The following CCDC192 variants were observed in gnomAD, a reference collection of about 807,000 sequenced individuals.
CCDC192 encodes coiled-coil domain containing 192, also known as coiled-coil domain-containing protein 192.
At position 127,875,989 on chromosome 5, in the gene CCDC192, G is replaced by T. The variant is rs577006600; in HGVS notation, c.535+328G>T. On this transcript the variant is annotated intron_variant, in intron 6 of 6. Transcript: ENST00000514853. ...AAGAAGGAAGGCAGGTGCCTGCAGG[G>T]ACTGAGCTCTGGAGTGAGACAGAGC... Among the ~76,000 whole-genome samples, 9 of 152,070 alleles carry T rather than the reference G, an allele frequency of 5.9e-5. No homozygotes were observed. The South Asian group carries it at 1.9e-3, about 32-fold the overall frequency.
intron 5 of CCDC192, among the ~76,000 whole-genome samples, chr5:127,814,031 G>A (rs1191746072): frequency 6.6e-6 from 1 of 152,180 alleles, no homozygotes; most frequent in Non-Finnish European, 1.5e-5. Flanking sequence ...CTTAGTGGGT[G>A]CAGGGAGCCT....
At chr5:127,873,738 A>G (rs1751953948) in intron 5 of CCDC192, among the ~76,000 whole-genome samples, 1 of 152,218 alleles carries the variant, frequency 6.6e-6, no homozygotes, top group Non-Finnish European at 1.5e-5. Flanking sequence ...AGCATGGAAC[A>G]GTATTGAAGT....
intron 5 of CCDC192, among the ~76,000 whole-genome samples, chr5:127,819,008 A>G (rs1168277324): frequency 1.3e-5 from 2 of 152,182 alleles, no homozygotes; most frequent in African/African-American, 2.4e-5. Flanking sequence ...TAGAAAAAGA[A>G]AACCTAGCAG....
At chr5:127,756,306 G>A (rs965180963) in intron 3 of CCDC192, among the ~76,000 whole-genome samples, 4 of 152,142 alleles carry the variant, frequency 2.6e-5, no homozygotes, top group Non-Finnish European at 5.9e-5. Context: ...CCGCAGAGCC[G>A]GCTGTGCAGG....
At chr5:127,839,848 G>A (rs1379317622) in intron 5 of CCDC192, among the ~76,000 whole-genome samples, 1 of 151,608 alleles carries the variant, frequency 6.6e-6, no homozygotes, top group Non-Finnish European at 1.5e-5. Flanking sequence ...TAAAAATACT[G>A]CCAATACTCC....
Position 127,884,731 on chromosome 5 carries a change from C to T in CCDC192, c.535+9070C>T, listed in dbSNP as rs145063321. ...CTTTCTGGATAGAAGACAAAATACACCTCTCACTGTGCCTTCTAACCTGTT... is the reference window on the plus strand; with the variant it reads ...CTTTCTGGATAGAAGACAAAATACATCTCTCACTGTGCCTTCTAACCTGTT... On this transcript the variant is annotated intron_variant, in intron 6 of 6. Coordinates refer to ENST00000514853, the MANE Select transcript of CCDC192 (RefSeq NM_001317938.2). 4.1e-3 allele frequency among the ~76,000 whole-genome samples: 625 copies of T among 152,268 alleles called. 5 individuals are homozygous for T. Among genetic ancestry groups the T allele is most frequent in the African/African-American group, 0.014 (585 of 41,546 alleles).
At chr5:127,794,153 C>T (rs1446255866) in intron 3 of CCDC192, among the ~76,000 whole-genome samples, 2 of 152,090 alleles carry the variant, frequency 1.3e-5, no homozygotes, top group African/African-American at 2.4e-5. Context: ...TCTCCTTATA[C>T]GATAACTGTT....
At chr5:127,895,606 G>A (rs576789651) in intron 6 of CCDC192, among the ~76,000 whole-genome samples, 217 of 152,300 alleles carry the variant, frequency 1.4e-3, no homozygotes, top group African/African-American at 4.2e-3. Flanking sequence ...TTGGGAGGCC[G>A]AGGTGGGTGG....
chr5:127,721,967 C>T (rs1486971314), intron 2 of CCDC192, among the ~76,000 whole-genome samples: 1 of 152,206 alleles, frequency 6.6e-6, no homozygotes, highest in Non-Finnish European at 1.5e-5. Flanking sequence ...CTAGGCTCCT[C>T]CTCCAACACT....
chr5:127,868,104 A>G (rs1203494924), intron 5 of CCDC192, among the ~76,000 whole-genome samples: 1 of 151,798 alleles, frequency 6.6e-6, no homozygotes, highest in East Asian at 1.9e-4. Flanking sequence ...ATACTACATA[A>G]AGGGGCCAGA....
intron 2 of CCDC192, among the ~76,000 whole-genome samples, chr5:127,748,540 G>A (rs1753923555): frequency 7.1e-6 from 1 of 141,302 alleles, no homozygotes; most frequent in East Asian, 2.1e-4. Flanking sequence ...GTCAGGTAGT[G>A]TGATGCCTCC....
intron 5 of CCDC192, among the ~76,000 whole-genome samples, chr5:127,855,908 G>T (rs1258287692): frequency 6.6e-6 from 1 of 152,174 alleles, no homozygotes; most frequent in Non-Finnish European, 1.5e-5. Context: ...ACCAGACTTT[G>T]TCGTTCCATT....
intron 3 of CCDC192, chr5:127,785,067 C>A: frequency 4.0e-6 from 2 of 505,900 alleles, no homozygotes; most frequent in South Asian, 2.9e-5. Flanking sequence ...TGCAATCAGT[C>A]AGCTGCTGTA....
intron 5 of CCDC192, among the ~76,000 whole-genome samples, chr5:127,861,353 TA>T (rs111544483): frequency 0.021 from 2,686 of 126,972 alleles, 28 homozygotes; most frequent in African/African-American, 0.041. Flanking sequence ...AATTTTAAGC[TA>T]AAAAAAAAAA....
At chr5:127,770,935 C>G (rs988325219) in intron 3 of CCDC192, among the ~76,000 whole-genome samples, 2 of 152,162 alleles carry the variant, frequency 1.3e-5, no homozygotes, top group African/African-American at 4.8e-5. Flanking sequence ...AGAATGGCTC[C>G]TTTCTCACTC....
chr5:127,757,503 T>C (rs1378717343), intron 3 of CCDC192, among the ~76,000 whole-genome samples: 2 of 152,106 alleles, frequency 1.3e-5, no homozygotes, highest in Non-Finnish European at 2.9e-5. Context: ...CAATGTTTAG[T>C]CTCTTCCTTG....
At chr5:127,866,205 T>C (rs913127362) in intron 5 of CCDC192, among the ~76,000 whole-genome samples, 26 of 152,088 alleles carry the variant, frequency 1.7e-4, no homozygotes, top group African/African-American at 6.3e-4. Flanking sequence ...TATTCTAACT[T>C]CTTACATTGC....
chr5:127,795,153 G>A (rs527786555), intron 3 of CCDC192, among the ~76,000 whole-genome samples: 209 of 152,144 alleles, frequency 1.4e-3, no homozygotes, highest in Non-Finnish European at 2.3e-3. Flanking sequence ...AGCCAGGCGT[G>A]GTGGTGTGAG....
intron 5 of CCDC192, among the ~76,000 whole-genome samples, chr5:127,853,508 C>T (rs1169805397): frequency 6.6e-6 from 1 of 152,112 alleles, no homozygotes; most frequent in Non-Finnish European, 1.5e-5. Context: ...CGTGGTGGCT[C>T]ATGCCTGTAA....
Sources: gnomAD v4.1 joint callset for allele counts (sites outside exome capture counted in the v4.1 genomes callset) on GRCh38, gnomAD v4.1.1 for gene constraint, MANE v1.5 for transcripts, NCBI Gene and HGNC (gene_info 2026-07-23, HGNC 2026-07-21) for gene names.